Variants in PCDHGB5 observed in about 807,000 individuals in gnomAD.
The protein encoded by PCDHGB5 is protocadherin gamma subfamily B, 5.
PCDHGB5 carries 48 observed loss-of-function variants against 62.9 expected under a neutral mutation model. The ratio of observed to expected loss-of-function variants is 0.76; its 90% confidence interval spans 0.61 to 0.97. The LOEUF (loss-of-function observed/expected upper bound fraction) is 0.97. PCDHGB5 is among the 50% of genes least tolerant of loss of function. The pLI is 0.00. For synonymous variants in PCDHGB5, 474 were observed against 511.2 expected, an observed-to-expected ratio of 0.93 and a Z score of 0.98; for missense variants, 1,118 against 1,198.6, an observed-to-expected ratio of 0.93 and a Z score of 0.99.
chr5:141,409,282 A>G (rs769745022), intron 1 of PCDHGB5: 1 of 1,613,958 alleles, frequency 6.2e-7, no homozygotes, highest in East Asian at 2.2e-5. Context: ...TGGAGAATTC[A>G]CCTCCAGGAA....
At chr5:141,456,312 G>A (rs1036961015) in intron 1 of PCDHGB5, among the ~76,000 whole-genome samples, 2 of 152,126 alleles carry the variant, frequency 1.3e-5, no homozygotes, top group African/African-American at 4.8e-5. Flanking sequence ...AGCAGCTAGG[G>A]CTCCTCCTGG....
At position 141,432,172 on chromosome 5, in the gene PCDHGB5, C is replaced by A. The variant is rs562175068; in HGVS notation, c.2397+31648C>A. ...AGAACAATCCCAGAGGAGTTTCCCT[C>A]GTCTCTGTGACCGCCCACGACCCCG... On this transcript the variant is annotated intron_variant, in intron 1 of 3. Coordinates refer to ENST00000617380, the MANE Select transcript of PCDHGB5 (RefSeq NM_018925.3). This position sits in a 1 kb window ranked among gnomAD's most constrained non-coding sequence, Gnocchi z 6.0. 5 of 1,614,152 alleles carry A rather than the reference C, an allele frequency of 3.1e-6. No homozygotes were observed. The South Asian group carries it at 4.4e-5, about 14-fold the overall frequency.
intron 2 of PCDHGB5, among the ~76,000 whole-genome samples, chr5:141,498,004 G>C (rs1385457484): frequency 6.6e-6 from 1 of 152,316 alleles, no homozygotes; most frequent in African/African-American, 2.4e-5. Flanking sequence ...GGAGTTTACA[G>C]TGCACTGAAG....
intron 1 of PCDHGB5, chr5:141,413,762 C>A: frequency 1.2e-6 from 2 of 1,612,894 alleles, no homozygotes; most frequent in Non-Finnish European, 8.5e-7. Flanking sequence ...GTCAAGTACC[C>A]GGAGCTGGTA....
intron 3 of PCDHGB5, among the ~76,000 whole-genome samples, chr5:141,508,837 A>C (rs1596180024): frequency 6.7e-6 from 1 of 149,276 alleles, no homozygotes; most frequent in Non-Finnish European, 1.5e-5. Context: ...CCCCTCCCCT[A>C]CCCCTTCCAT....
At position 141,485,343 on chromosome 5, in the gene PCDHGB5, A is replaced by G; in HGVS notation, c.2398-9464A>G. ...GCTCAAGATTTCCTGCTGGATACGG[A>G]CAGTCTGTCAGCTCGCAGGCTGCAG... On this transcript the variant is annotated intron_variant, in intron 1 of 3. Transcript: ENST00000617380. This position sits in a 1 kb window ranked among gnomAD's most constrained non-coding sequence, Gnocchi z 5.7. 1 of 1,614,062 alleles carries G rather than the reference A, an allele frequency of 6.2e-7. No homozygotes were observed. Among genetic ancestry groups the G allele is most frequent in the Non-Finnish European group, 8.5e-7 (1 of 1,179,984 alleles).
chr5:141,409,848 G>C (rs149920059), intron 1 of PCDHGB5: 7 of 1,611,904 alleles, frequency 4.3e-6, no homozygotes, highest in Non-Finnish European at 5.9e-6. Context: ...GTGAGCCTGC[G>C]CGTGTTGGTG....
chr5:141,455,928 C>T (rs1160778812), intron 1 of PCDHGB5, among the ~76,000 whole-genome samples: 3 of 151,158 alleles, frequency 2.0e-5, no homozygotes, highest in African/African-American at 4.9e-5. Context: ...GACGGAGTCT[C>T]GCTCTGTCGC....
chr5:141,458,540 TTTTG>T (rs754668779), intron 1 of PCDHGB5, among the ~76,000 whole-genome samples: 43 of 150,468 alleles, frequency 2.9e-4, no homozygotes, highest in East Asian at 1.7e-3. Context: ...ATCAACTTTA[TTTTG>T]TTTGTTTGTT....
chr5:141,405,746 G>A (rs1174743960), intron 1 of PCDHGB5, among the ~76,000 whole-genome samples: 1 of 152,108 alleles, frequency 6.6e-6, no homozygotes, highest in Non-Finnish European at 1.5e-5. Context: ...CCAAAGCACT[G>A]GGATTACAGG....
chr5:141,410,110 C>T, intron 1 of PCDHGB5: 4 of 1,612,540 alleles, frequency 2.5e-6, no homozygotes, highest in Non-Finnish European at 3.4e-6. Flanking sequence ...GCGACAGGGA[C>T]GCAGCCCGCC....
intron 1 of PCDHGB5, among the ~76,000 whole-genome samples, chr5:141,420,793 T>C (rs1400287885): frequency 6.6e-6 from 1 of 152,268 alleles, no homozygotes; most frequent in Non-Finnish European, 1.5e-5. Flanking sequence ...TGAAAACTTT[T>C]TAAAAATTAA....
chr5:141,431,776 C>T lies in PCDHGB5; in HGVS notation c.2397+31252C>T. 6.2e-7 allele frequency: 1 copy of T among 1,614,228 alleles called. No individual in the cohort carries two copies. The stretch of plus-strand genomic sequence containing the variant: ...CCAAAGTCCTGATCACTGTTCTGGA[C>T]GTGAACGACAATGCCCCAGAAGTGG... On this transcript the variant is annotated intron_variant, in intron 1 of 3. Coordinates refer to ENST00000617380, the MANE Select transcript of PCDHGB5 (RefSeq NM_018925.3). The surrounding 1 kb of genome is among the most constrained non-coding windows in gnomAD (Gnocchi z 4.8).
intron 1 of PCDHGB5, chr5:141,441,364 C>T (rs533396852): frequency 6.6e-6 from 1 of 152,646 alleles, no homozygotes; most frequent in South Asian, 2.1e-4. Context: ...CAAATGGGGC[C>T]GTGGACCAGG....
intron 1 of PCDHGB5, chr5:141,405,524 A>T (rs1430059160): frequency 7.4e-6 from 5 of 677,158 alleles, no homozygotes; most frequent in Non-Finnish European, 1.2e-5. Context: ...AATTCAAGCG[A>T]TTCTCCTGCC....
chr5:141,494,182 C>A (rs188628485), intron 1 of PCDHGB5, among the ~76,000 whole-genome samples: 1 of 152,126 alleles, frequency 6.6e-6, no homozygotes, highest in Non-Finnish European at 1.5e-5. Context: ...AGAAGTGTCC[C>A]GGGACTTGGA....
chr5:141,490,584 T>G lies in PCDHGB5; in HGVS notation c.2398-4223T>G, dbSNP rs751060540. 1 of 1,614,170 alleles carries G rather than the reference T, an allele frequency of 6.2e-7. No individual in the cohort carries two copies. Among genetic ancestry groups the G allele is most frequent in the South Asian group, 1.1e-5 (1 of 91,080 alleles). ...TCAGGCTCAACATTTCAGATGTCAA[T>G]GACAATGCACCCCGCTTCAACCAGC... On this transcript the variant is annotated intron_variant, in intron 1 of 3. Transcript: ENST00000617380. This position sits in a 1 kb window ranked among gnomAD's most constrained non-coding sequence, Gnocchi z 5.4.
At chr5:141,403,708 T>C (rs1265644591) in intron 1 of PCDHGB5, 2 of 1,613,906 alleles carry the variant, frequency 1.2e-6, no homozygotes, top group South Asian at 1.1e-5. Flanking sequence ...TTAAAGTCCT[T>C]GAGAACGTGC....
intron 1 of PCDHGB5, chr5:141,421,453 T>G: frequency 1.2e-6 from 2 of 1,614,102 alleles, no homozygotes; most frequent in Middle Eastern, 1.6e-4. Context: ...GACACAGCTT[T>G]TCGCTGTGAA....
Sources: allele counts gnomAD v4.1 joint callset (sites outside exome capture counted in the v4.1 genomes callset), GRCh38; gene constraint gnomAD v4.1.1; non-coding constraint Gnocchi (gnomAD v3.1); transcripts MANE v1.5; gene names NCBI Gene and HGNC (gene_info 2026-07-23, HGNC 2026-07-21).